Variants in CSNK1G1 observed in about 807,000 individuals in gnomAD.
The protein encoded by CSNK1G1 is casein kinase I isoform gamma-1.
Under a neutral mutation model 59.6 loss-of-function variants are expected in CSNK1G1, and 22 were observed. The ratio of observed to expected loss-of-function variants is 0.37; its 90% CI spans 0.26 to 0.53. The LOEUF is 0.53. Ranked by LOEUF, CSNK1G1 falls within the 20% of genes least tolerant of loss-of-function variation. The pLI is 0.89. For missense variants in CSNK1G1, 384 were observed against 519.5 expected (o/e 0.74, Z 2.54); for synonymous variants, 179 against 177.1 (o/e 1.01, Z -0.08).
At chr15:64,279,296 T>C (rs924005117) in intron 2 of CSNK1G1, among the ~76,000 whole-genome samples, 2 of 152,204 alleles carry the variant, frequency 1.3e-5, no homozygotes, top group Non-Finnish European at 2.9e-5. Context: ...CTCCTACTTA[T>C]CACAACCAAA....
chr15:64,334,649 C>T (rs545868739), intron 1 of CSNK1G1, among the ~76,000 whole-genome samples: 61 of 152,262 alleles, frequency 4.0e-4, no homozygotes, highest in African/African-American at 1.4e-3. Context: ...ATCCCTCTCA[C>T]GTGCAGTTCA....
intron 1 of CSNK1G1, among the ~76,000 whole-genome samples, chr15:64,312,827 A>C (rs954870376): frequency 5.9e-5 from 9 of 152,268 alleles, no homozygotes; most frequent in African/African-American, 1.9e-4. Flanking sequence ...CAACCTACAG[A>C]ATGGGAGAAA....
At position 64,216,477 on chromosome 15, in the gene CSNK1G1, T is replaced by C; in HGVS notation, c.444+85A>G. 1 of 1,340,896 alleles carries C rather than the reference T, an allele frequency of 7.5e-7. No individual in the cohort carries two copies. 83.1% of individuals were successfully genotyped at this position (1,340,896 alleles called of 1,614,324 possible). A position where few individuals can be genotyped will look rare whatever the true frequency, so the allele number is the denominator to read the frequency against. ...TGAGTACTAATTCTTGATGTGTTGCTACGGCTAGTAAATCACCAAAAGGCC... is the reference window on the plus strand; with the variant it reads ...TGAGTACTAATTCTTGATGTGTTGCCACGGCTAGTAAATCACCAAAAGGCC... On this transcript the variant is annotated intron_variant, in intron 5 of 11. Transcript: ENST00000303052. This position sits in a 1 kb window ranked among gnomAD's most constrained non-coding sequence, Gnocchi z 4.6.
chr15:64,241,935 T>TA lies in CSNK1G1; in HGVS notation c.292+9576dup, dbSNP rs367996651. On this transcript the variant is annotated intron_variant, in intron 4 of 11. Transcript: ENST00000303052. ...AAAGTTGTTTTTTTAAAAAAAAAGA[T>TA]AGACAAAACCAACAAACCATTAGCT... Among the ~76,000 whole-genome samples, 568 of 148,922 alleles carry TA rather than the reference T, an allele frequency of 3.8e-3. 5 individuals carry two copies. Among genetic ancestry groups the TA allele is most frequent in the African/African-American group, 0.013 (546 of 40,742 alleles).
chr15:64,209,586 A>G (rs1050083518), intron 6 of CSNK1G1, among the ~76,000 whole-genome samples: 2 of 152,234 alleles, frequency 1.3e-5, no homozygotes, highest in Non-Finnish European at 2.9e-5. Flanking sequence ...AAGAATGAAA[A>G]CAGCATGACC....
intron 1 of CSNK1G1, among the ~76,000 whole-genome samples, chr15:64,329,970 A>C (rs1239209288): frequency 6.6e-6 from 1 of 151,482 alleles, no homozygotes; most frequent in Non-Finnish European, 1.5e-5. Context: ...CCAAGACTAG[A>C]CCAGGAAGAA....
chr15:64,314,981 G>A (rs1896194702), intron 1 of CSNK1G1, among the ~76,000 whole-genome samples: 1 of 152,126 alleles, frequency 6.6e-6, no homozygotes, highest in Non-Finnish European at 1.5e-5. Flanking sequence ...CAAATCTTTT[G>A]GATAAATACC....
chr15:64,188,610 T>A lies in CSNK1G1; in HGVS notation c.1108-8156A>T. The A allele has an allele frequency of 1.5e-6, 1 of 687,512 alleles. No homozygotes were observed. Among genetic ancestry groups the A allele is most frequent in the Non-Finnish European group, 2.5e-6 (1 of 405,332 alleles). The allele number at this position is 687,512 out of a possible 1,614,324, so 42.6% of individuals were successfully genotyped here. Reference sequence around the variant, plus strand: ...TTTCTTTCGGTTTTGGATTTTAAACTAACAACCACTGGAAAGCAGTGAGGA... The same window carrying A: ...TTTCTTTCGGTTTTGGATTTTAAACAAACAACCACTGGAAAGCAGTGAGGA... On this transcript the variant is annotated intron_variant, in intron 10 of 11. Coordinates refer to ENST00000303052, the MANE Select transcript of CSNK1G1 (RefSeq NM_022048.5). This position sits in a 1 kb window ranked among gnomAD's most constrained non-coding sequence, Gnocchi z 4.2.
intron 1 of CSNK1G1, among the ~76,000 whole-genome samples, chr15:64,312,069 C>A (rs1896025860): frequency 6.6e-6 from 1 of 152,120 alleles, no homozygotes; most frequent in Non-Finnish European, 1.5e-5. Context: ...AGGACCTCTT[C>A]AAGGAGAACT....
intron 11 of CSNK1G1, among the ~76,000 whole-genome samples, chr15:64,177,974 A>G (rs920703455): frequency 2.6e-5 from 4 of 152,240 alleles, no homozygotes; most frequent in Non-Finnish European, 5.9e-5. Context: ...AGCTCTGACA[A>G]TGTTTGAATC....
chr15:64,346,316 AC>A (rs903427009), intron 1 of CSNK1G1, among the ~76,000 whole-genome samples: 4 of 151,682 alleles, frequency 2.6e-5, no homozygotes, highest in African/African-American at 9.7e-5. Flanking sequence ...AAAAAAAAAA[AC>A]TAACTTAAAA....
chr15:64,209,222 A>C (rs2082220890), intron 6 of CSNK1G1, among the ~76,000 whole-genome samples: 1 of 152,090 alleles, frequency 6.6e-6, no homozygotes, highest in Non-Finnish European at 1.5e-5. Context: ...TATTTTTCAG[A>C]ATCAAGTTTA....
chr15:64,201,750 G>GTGTGTGTT lies in CSNK1G1; in HGVS notation c.1107+1331_1107+1332insAACACACA, dbSNP rs747607584. On this transcript the variant is annotated intron_variant, in intron 10 of 11. Coordinates refer to ENST00000303052, the MANE Select transcript of CSNK1G1 (RefSeq NM_022048.5). ...TGTGTGTGTGTGTGTGTGTGTGTGT[G>GTGTGTGTT]TTTATATACTATTCTTAACCTATAT... 4.9e-3 allele frequency among the ~76,000 whole-genome samples: 525 copies of GTGTGTGTT among 106,300 alleles called. 5 individuals are homozygous for GTGTGTGTT. The highest frequency in any genetic ancestry group is 0.021 in the African/African-American group (495 of 23,894). The allele number at this position is 106,300 out of a possible 152,430, so 69.7% of individuals were successfully genotyped here. A position where few individuals can be genotyped will look rare whatever the true frequency, so the allele number is the denominator to read the frequency against.
Position 64,210,085 on chromosome 15 carries a change from G to A in CSNK1G1, c.680-2491C>T, listed in dbSNP as rs2082231916. 6.6e-6 allele frequency among the ~76,000 whole-genome samples: 1 copy of A among 152,014 alleles called. No individual in the cohort carries two copies. Among genetic ancestry groups the A allele is most frequent in the South Asian group, 2.1e-4 (1 of 4,830 alleles). Reference sequence around the variant, plus strand: ...AAGAACTATAGAATATGGGACAATAGGAAAAATAAGGGTTCCTAAATCAGG... The same window carrying A: ...AAGAACTATAGAATATGGGACAATAAGAAAAATAAGGGTTCCTAAATCAGG... On this transcript the variant is annotated intron_variant, in intron 6 of 11. Coordinates refer to ENST00000303052, the MANE Select transcript of CSNK1G1 (RefSeq NM_022048.5). This position sits in a 1 kb window ranked among gnomAD's most constrained non-coding sequence, Gnocchi z 4.2.
intron 1 of CSNK1G1, among the ~76,000 whole-genome samples, chr15:64,322,557 G>A (rs1478308931): frequency 6.6e-6 from 1 of 152,012 alleles, no homozygotes; most frequent in African/African-American, 2.4e-5. Flanking sequence ...GCTCATGCCT[G>A]TAATCCCAGC....
At chr15:64,308,896 CAA>C (rs66686070) in intron 1 of CSNK1G1, among the ~76,000 whole-genome samples, 212 of 144,036 alleles carry the variant, frequency 1.5e-3, no homozygotes, top group Admixed American at 1.5e-3. Flanking sequence ...GACTCTGTCT[CAA>C]AAAAAAAAAA....
intron 2 of CSNK1G1, among the ~76,000 whole-genome samples, chr15:64,276,755 C>A (rs1290842928): frequency 2.0e-5 from 3 of 151,900 alleles, no homozygotes; most frequent in African/African-American, 4.8e-5. Flanking sequence ...ACCATCCTGG[C>A]TAACACAGTG....
At chr15:64,204,728 G>T (rs2082154864) in intron 8 of CSNK1G1, 137 bp downstream of exon 8, 1 of 1,178,466 alleles carries the variant, frequency 8.5e-7, no homozygotes, top group Non-Finnish European at 1.2e-6. Flanking sequence ...AAATAAAAGT[G>T]ATAAAACCTA....
chr15:64,209,857 C>T (rs957511319), intron 6 of CSNK1G1, among the ~76,000 whole-genome samples: 1 of 152,016 alleles, frequency 6.6e-6, no homozygotes, highest in Non-Finnish European at 1.5e-5. Context: ...ACAAGAAGCC[C>T]CTTGGTTATT....
Sources: gnomAD v4.1 joint callset for allele counts (sites outside exome capture counted in the v4.1 genomes callset) on GRCh38, gnomAD v4.1.1 for gene constraint, Gnocchi (gnomAD v3.1) non-coding constraint, MANE v1.5 for transcripts, NCBI Gene and HGNC (gene_info 2026-07-23, HGNC 2026-07-21) for gene names.